The following PTBP1 variants were observed in gnomAD, a reference collection of about 807,000 sequenced individuals.
The protein encoded by PTBP1 is polypyrimidine tract-binding protein 1.
PTBP1 carries 8 observed loss-of-function variants against 59.8 expected under a neutral mutation model. The observed-to-expected ratio is 0.13, with a 90% CI of 0.08 to 0.24. The LOEUF is 0.24. Among genes scored for constraint, PTBP1 ranks in the 10% least tolerant of loss-of-function variants. The pLI, the probability that PTBP1 is intolerant of heterozygous loss-of-function variation, is 1.00. For missense variants in PTBP1, 686 were observed against 767.0 expected, an observed-to-expected ratio of 0.89 and a Z score of 1.25; for synonymous variants, 490 against 320.7, an observed-to-expected ratio of 1.53 and a Z score of -5.64.
chr19:799,395 C>CTT lies in PTBP1; in HGVS notation c.9-16_9-15dup. On this transcript the variant is annotated splice_polypyrimidine_tract_variant and intron_variant, in intron 1 of 14. Transcript: ENST00000356948. ...GTGGCCACCAGGCTAACGTTGTCTC[C>CTT]TTTCTTTCTCTCTACAGCATTGTCC... 1 of 1,613,642 alleles carries CTT rather than the reference C, an allele frequency of 6.2e-7. No homozygotes were observed. The highest frequency in any genetic ancestry group is 8.5e-7 in the Non-Finnish European group (1 of 1,179,720).
In PTBP1 at chr19:806,427, C is replaced by G. The variant is rs1036646730; in HGVS notation, c.990C>G (p.Val330=). 6.2e-7 allele frequency: 1 copy of G among 1,602,844 alleles called. No individual in the cohort carries two copies. The stretch of plus-strand genomic sequence containing the variant: ...TTCCAGGCCTTTCCGTTCCGAACGT[C>G]CACGGCGCCCTGGCCCCCCTGGCCA... ...PQAAGLSVPN[V]HGALAPLAIP... is the part of the protein sequence containing the mutation. The change falls in exon 10 of 15, where the codon GTC becomes GTG. Residue 330 remains valine (V), a synonymous_variant. Transcript: ENST00000356948.
rs775085447 is a variant in PTBP1, at chr19:808,428, G to A, written c.1222G>A (p.Ala408Thr). The stretch of plus-strand genomic sequence containing the variant: ...GAAGGAGAACGCCCTAGTGCAGATG[G>A]CGGACGGCAACCAGGCCCAGCTGGG... ...NKKENALVQM[A>T]DGNQAQLAMS... Residue 408 changes from alanine (A) to threonine (T), a missense_variant, in exon 12 of 15, where the codon GCG becomes ACG. By Grantham distance (58) the Ala-to-Thr change is moderately conservative. Coordinates refer to ENST00000356948, the MANE Select transcript of PTBP1 (RefSeq NM_002819.5). The surrounding 1 kb of genome is among the most constrained non-coding windows in gnomAD (Gnocchi z 4.7). 2 of 1,606,378 alleles carry A rather than the reference G, an allele frequency of 1.2e-6. No homozygotes were observed. Among genetic ancestry groups the A allele is most frequent in the African/African-American group, 1.3e-5 (1 of 74,888 alleles).
Position 811,841 on chromosome 19 carries a change from TC to T in PTBP1, c.*1016del, listed in dbSNP as rs1186321001. ...CTTGCTCTCAAACTTCAGGGTTTTT[TC>T]TTCCTTCAAATTTTGGACCAAAGTC... is the stretch of plus-strand genomic sequence containing the variant. On this transcript the variant is annotated 3_prime_UTR_variant, in exon 15 of 15. Coordinates refer to ENST00000356948, the MANE Select transcript of PTBP1 (RefSeq NM_002819.5). The T allele has an allele frequency of 2.0e-5, 3 of 152,464 alleles. No homozygotes were observed. The highest frequency in any genetic ancestry group is 4.4e-5 in the Non-Finnish European group (3 of 68,030). 9.4% of individuals were successfully genotyped at this position (152,464 alleles called of 1,614,324 possible). A position where few individuals can be genotyped will look rare whatever the true frequency, so the allele number is the denominator to read the frequency against.
In PTBP1 at chr19:810,500, C is replaced by T. The variant is rs772549330; in HGVS notation, c.1464-43C>T. The T allele has an allele frequency of 7.0e-6, 11 of 1,569,510 alleles. No individual in the cohort carries two copies. The East Asian group carries it at 2.3e-4, about 32-fold the overall frequency. On this transcript the variant is annotated intron_variant, in intron 13 of 14. Transcript: ENST00000356948. ...CCTCGCGGACCTGACTGGGCGCCCC[C>T]ACCCCCACGCGGCCCCAGGCTCACG...
chr19:797,971 T>G (rs1181815180), intron 1 of PTBP1, among the ~76,000 whole-genome samples: 2 of 149,136 alleles, frequency 1.3e-5, no homozygotes, highest in Non-Finnish European at 3.0e-5. Flanking sequence ...CGCGCGCCTT[T>G]CCCGCCGCCC....
At chr19:810,518 G>C (rs749964206) in intron 13 of PTBP1, 25 bp from the exon 14 acceptor site, 2 of 1,609,252 alleles carry the variant, frequency 1.2e-6, no homozygotes, top group South Asian at 2.2e-5. Context: ...CGCGGCCCCA[G>C]GCTCACGCCT....
chr19:808,459 G>T lies in PTBP1; in HGVS notation c.1246+7G>T. On this transcript the variant is annotated splice_region_variant and intron_variant, in intron 12 of 14. Coordinates refer to ENST00000356948, the MANE Select transcript of PTBP1 (RefSeq NM_002819.5). This position sits in a 1 kb window ranked among gnomAD's most constrained non-coding sequence, Gnocchi z 4.7. ...GGCAACCAGGCCCAGCTGGGTAAGA[G>T]GCCGGGGCGGCCCCGGGGTGGAGGG... is the stretch of plus-strand genomic sequence containing the variant. 1.3e-6 allele frequency: 2 copies of T among 1,591,420 alleles called. No homozygotes were observed. Among genetic ancestry groups the T allele is most frequent in the South Asian group, 1.1e-5 (1 of 88,198 alleles).
At chr19:807,835 G>A in intron 10 of PTBP1, 34 bp from the exon 11 acceptor site, 1 of 1,604,420 alleles carries the variant, frequency 6.2e-7, no homozygotes, top group South Asian at 1.1e-5. Flanking sequence ...CCTCTCCCCT[G>A]TCCCTCCGCT....
chr19:811,482 T>G lies in PTBP1; in HGVS notation c.*656T>G, dbSNP rs2034871135. The G allele has an allele frequency of 6.6e-6, 1 of 152,512 alleles. No homozygotes were observed. The highest frequency in any genetic ancestry group is 2.1e-4 in the South Asian group (1 of 4,838). The allele number at this position is 152,512 out of a possible 1,614,324, so 9.4% of individuals were successfully genotyped here. A position where few individuals can be genotyped will look rare whatever the true frequency, so the allele number is the denominator to read the frequency against. ...CGTCTGTGCCTAGCAATATTTCCAG[T>G]TGACCAAATATTCTAATCTTTTTTC... On this transcript the variant is annotated 3_prime_UTR_variant, in exon 15 of 15. Coordinates refer to ENST00000356948, the MANE Select transcript of PTBP1 (RefSeq NM_002819.5).
chr19:808,497 G>A lies in PTBP1; in HGVS notation c.1246+45G>A. 1 of 1,558,456 alleles carries A rather than the reference G, an allele frequency of 6.4e-7. No homozygotes were observed. Among genetic ancestry groups the A allele is most frequent in the African/African-American group, 1.4e-5 (1 of 73,564 alleles). ...CCGGGGTGGAGGGGGCAGGGGCGGG[G>A]GCTGCGTTCCCTCTCGGGCGCCTGG... On this transcript the variant is annotated intron_variant, in intron 12 of 14. Transcript: ENST00000356948. This position sits in a 1 kb window ranked among gnomAD's most constrained non-coding sequence, Gnocchi z 4.7.
chr19:799,424 A>T lies in PTBP1; in HGVS notation c.20A>T (p.Asp7Val), dbSNP rs777275754. 11 of 1,613,824 alleles carry T rather than the reference A, an allele frequency of 6.8e-6. No individual in the cohort carries two copies. In the Admixed American group the frequency reaches 1.8e-4, roughly 27 times the overall value. MDGIVP[D>V]IAVGTKRGSD... ...CTTTCTCTCTACAGCATTGTCCCAG[A>T]TATAGCCGTTGGTACAAAGGTAGGC... The change falls in exon 2 of 15, where the codon GAT becomes GTT. Residue 7 changes from aspartate to valine, a missense_variant. Asp to Val is a radical substitution (Grantham distance 152). Coordinates refer to ENST00000356948, the MANE Select transcript of PTBP1 (RefSeq NM_002819.5).
intron 1 of PTBP1, 35 bp downstream of exon 1, chr19:797,540 C>T (rs747038316): frequency 3.5e-5 from 52 of 1,473,212 alleles, no homozygotes; most frequent in Non-Finnish European, 2.0e-5. Flanking sequence ...CCACCGCCCT[C>T]CCCGCGCCGC....
At chr19:803,682 C>T (rs926238247) in intron 3 of PTBP1, 46 bp downstream of exon 3, 3 of 1,516,202 alleles carry the variant, frequency 2.0e-6, no homozygotes, top group African/African-American at 1.4e-5. Flanking sequence ...GGTGTCTTTC[C>T]CTGGAACAAC....
In PTBP1 at chr19:810,481, G is replaced by A. The variant is rs190056755; in HGVS notation, c.1464-62G>A. ...AAAACTAGTCTGGGGAAAGCCTCGCGGACCTGACTGGGCGCCCCCACCCCC... is the reference window on the plus strand; with the variant it reads ...AAAACTAGTCTGGGGAAAGCCTCGCAGACCTGACTGGGCGCCCCCACCCCC... On this transcript the variant is annotated intron_variant, in intron 13 of 14. Transcript: ENST00000356948. 44 of 1,453,522 alleles carry A rather than the reference G, an allele frequency of 3.0e-5. 1 individual carries two copies. The East Asian group carries it at 4.2e-4, about 14-fold the overall frequency. 90.0% of individuals were successfully genotyped at this position (1,453,522 alleles called of 1,614,324 possible).
rs2145028476 is a variant in PTBP1, at chr19:808,781, G to A, written c.1463+19G>A. ...ACATCCCGTGAGTGCTGGGCCGGGG[G>A]GCTCATGGGGCCGGGGGCGGGCAAG... On this transcript the variant is annotated intron_variant, in intron 13 of 14. Transcript: ENST00000356948. This position sits in a 1 kb window ranked among gnomAD's most constrained non-coding sequence, Gnocchi z 4.7. 1.3e-6 allele frequency: 2 copies of A among 1,537,774 alleles called. No individual in the cohort carries two copies. The highest frequency in any genetic ancestry group is 1.8e-6 in the Non-Finnish European group (2 of 1,120,796).
intron 2 of PTBP1, among the ~76,000 whole-genome samples, chr19:802,357 G>A (rs1274265818): frequency 6.6e-6 from 1 of 152,084 alleles, no homozygotes. Flanking sequence ...AGAAGACCAA[G>A]CGCAGGCTCG....
chr19:807,520 C>T (rs1457940279), intron 10 of PTBP1: 1 of 331,716 alleles, frequency 3.0e-6, no homozygotes, highest in Admixed American at 4.8e-5. Flanking sequence ...ATTTACTGAC[C>T]TGTGTTTTTT....
rs780587322 is a variant in PTBP1 at position 810,863 on chromosome 19, A to G, written c.*37A>G. The G allele has an allele frequency of 4.0e-6, 6 of 1,497,816 alleles. No individual in the cohort carries two copies. The highest frequency in any genetic ancestry group is 4.9e-5 in the East Asian group (2 of 40,428). The allele number at this position is 1,497,816 out of a possible 1,614,324, so 92.8% of individuals were successfully genotyped here. A position where few individuals can be genotyped will look rare whatever the true frequency, so the allele number is the denominator to read the frequency against. ...CCCACGGCCGGGCCCCCTGGCGACA[A>G]CTTCCATCATTCCAGAGAAAAGCCA... On this transcript the variant is annotated 3_prime_UTR_variant, in exon 15 of 15. Coordinates refer to ENST00000356948, the MANE Select transcript of PTBP1 (RefSeq NM_002819.5).
In PTBP1 at chr19:808,562, C is replaced by T. The variant is rs199558491; in HGVS notation, c.1263C>T (p.Asn421=). 1.0e-4 allele frequency: 166 copies of T among 1,596,432 alleles called. No individual in the cohort carries two copies. In the Middle Eastern group the frequency reaches 1.6e-3, roughly 15 times the overall value. ...CTCCCCCAGCCATGAGCCACCTGAA[C>T]GGGCACAAGCTGCACGGGAAGCCCA... ...NQAQLAMSHL[N]GHKLHGKPIR... The change falls in exon 13 of 15, where the codon AAC becomes AAT. Residue 421 remains asparagine, a synonymous_variant. Transcript: ENST00000356948. This position sits in a 1 kb window ranked among gnomAD's most constrained non-coding sequence, Gnocchi z 4.7.
Sources: gnomAD v4.1 joint callset for allele counts (sites outside exome capture counted in the v4.1 genomes callset) on GRCh38, gnomAD v4.1.1 for gene constraint, Gnocchi (gnomAD v3.1) non-coding constraint, MANE v1.5 for transcripts, NCBI Gene and HGNC (gene_info 2026-07-23, HGNC 2026-07-21) for gene names.